RIOX2: variants seen among roughly 807,000 people sequenced by gnomAD.
RIOX2 encodes ribosomal oxygenase 2.
In RIOX2, 43 loss-of-function variants were observed where a neutral mutation model predicts 51.2. The ratio of observed to expected loss-of-function variants is 0.84; its 90% CI spans 0.66 to 1.08. RIOX2 has a LOEUF of 1.08. Ranked by LOEUF, RIOX2 falls within the 50% of genes least tolerant of loss-of-function variation. The pLI is 0.00. For synonymous variants in RIOX2, 226 were observed against 218.5 expected (o/e 1.03, Z -0.30); for missense variants, 566 against 561.7 (o/e 1.01, Z -0.08).
rs773008777 is a variant in RIOX2, at chr3:97,967,181, T to C, written c.413A>G (p.His138Arg). The C allele has an allele frequency of 6.2e-7, 1 of 1,613,876 alleles. No individual in the cohort carries two copies. The highest frequency in any genetic ancestry group is 8.5e-7 in the Non-Finnish European group (1 of 1,179,848). Residue 138 changes from histidine (H) to arginine (R), a missense_variant, in exon 2 of 10, where the codon CAC becomes CGC. His to Arg is a conservative substitution (Grantham distance 29). Transcript: ENST00000394198. ...GGTTACCTTAAATCTCTGAGGTTGG[T>C]GAAACTGAATCGTTGCCCTTTTCTG... ...FDQKRATIQF[H>R]QPQRFKDELW...
intron 3 of RIOX2, 45 bp from the exon 4 acceptor site, chr3:97,959,224 A>G: frequency 6.3e-7 from 1 of 1,588,530 alleles, no homozygotes; most frequent in Non-Finnish European, 8.6e-7. Flanking sequence ...CTTCCTGACA[A>G]CTCACACACA....
At chr3:97,957,674 C>CCACT (rs1399916642) in intron 4 of RIOX2, among the ~76,000 whole-genome samples, 3 of 152,134 alleles carry the variant, frequency 2.0e-5, no homozygotes, top group African/African-American at 7.2e-5. Flanking sequence ...CACTTAAAGG[C>CCACT]CACTATGAAG....
chr3:97,947,296 A>C (rs1221430633), intron 8 of RIOX2, 65 bp downstream of exon 8: 2 of 1,252,712 alleles, frequency 1.6e-6, no homozygotes, highest in Middle Eastern at 1.9e-4. Flanking sequence ...TTAATCTAAT[A>C]ACCTGAGGCC....
At position 97,945,876 on chromosome 3, in the gene RIOX2, T is replaced by C. The variant is rs770254052; in HGVS notation, c.1161A>G (p.Gln387=). Residue 387 remains glutamine, a synonymous_variant, in exon 9 of 10, where the codon CAA becomes CAG. Transcript: ENST00000394198. ...AATGATAGATGTACACCATCTTTTC[T>C]TGAGCTTCATCCTTTGGGGAAAAAA... ...LPDQDQSDEA[Q]EKMVYIYHSL... is the part of the protein sequence containing the mutation. 1.1e-5 allele frequency: 18 copies of C among 1,607,108 alleles called. No individual in the cohort carries two copies. Among genetic ancestry groups the C allele is most frequent in the Non-Finnish European group, 1.4e-5 (17 of 1,174,460 alleles).
In RIOX2 at chr3:97,945,354, AATTT is replaced by A. The variant is rs750646918; in HGVS notation, c.1240-16_1240-13del. 8.1e-6 allele frequency: 13 copies of A among 1,605,164 alleles called. No individual in the cohort carries two copies. The highest frequency in any genetic ancestry group is 4.0e-5 in the African/African-American group (3 of 74,336). ...CGAAGTCCATGAAACTGAAAGGATAAATTTATTTGTCAAAATATATGTATACTAC... is the reference window on the plus strand; with the variant it reads ...CGAAGTCCATGAAACTGAAAGGATAAATTTGTCAAAATATATGTATACTAC... On this transcript the variant is annotated splice_polypyrimidine_tract_variant and intron_variant, in intron 9 of 9. Coordinates refer to ENST00000394198, the MANE Select transcript of RIOX2 (RefSeq NM_153182.4).
chr3:97,947,007 C>A (rs1441697509), intron 8 of RIOX2, among the ~76,000 whole-genome samples: 2 of 152,020 alleles, frequency 1.3e-5, no homozygotes, highest in African/African-American at 4.8e-5. Context: ...ATCCACAAAA[C>A]CACATAGAAA....
chr3:97,963,644 T>G (rs1028807667), intron 2 of RIOX2, among the ~76,000 whole-genome samples: 9 of 152,230 alleles, frequency 5.9e-5, no homozygotes, highest in African/African-American at 9.6e-5. Context: ...TCTCTCTCTC[T>G]CTTTCTCTCT....
intron 9 of RIOX2, 101 bp downstream of exon 9, chr3:97,945,697 G>T: frequency 1.1e-6 from 1 of 889,806 alleles, no homozygotes; most frequent in Non-Finnish European, 1.8e-6. Flanking sequence ...AGTCCACAGT[G>T]CAGCCATAAA....
intron 3 of RIOX2, among the ~76,000 whole-genome samples, chr3:97,960,902 A>T (rs1705650517): frequency 6.6e-6 from 1 of 152,196 alleles, no homozygotes; most frequent in Admixed American, 6.5e-5. Flanking sequence ...TTCTTTATTC[A>T]GTCAAAGATA....
chr3:97,945,791 A>T lies in RIOX2; in HGVS notation c.1239+7T>A. On this transcript the variant is annotated splice_region_variant and intron_variant, in intron 9 of 9. Coordinates refer to ENST00000394198, the MANE Select transcript of RIOX2 (RefSeq NM_153182.4). ...AGGATAGGCATTTGTTTTCAGTTGA[A>T]ACAAACCTCTGTTTCCTCCTCATTT... The T allele has an allele frequency of 3.1e-6, 5 of 1,603,704 alleles. No individual in the cohort carries two copies. Among genetic ancestry groups the T allele is most frequent in the Non-Finnish European group, 4.3e-6 (5 of 1,172,070 alleles).
In RIOX2 at chr3:97,943,269, C is replaced by A. The variant is rs201778793; in HGVS notation, c.*1915G>T. Reference sequence around the variant, plus strand: ...AGACTCATGTAATTGTAAATCAGCCCCTGGAGGGAGAAGAAACACAGAAAT... The same window carrying A: ...AGACTCATGTAATTGTAAATCAGCCACTGGAGGGAGAAGAAACACAGAAAT... On this transcript the variant is annotated 3_prime_UTR_variant, in exon 10 of 10. Coordinates refer to ENST00000394198, the MANE Select transcript of RIOX2 (RefSeq NM_153182.4). The A allele has an allele frequency of 1.3e-6, 2 of 1,593,416 alleles. No individual in the cohort carries two copies. Among genetic ancestry groups the A allele is most frequent in the Non-Finnish European group, 1.7e-6 (2 of 1,163,716 alleles).
chr3:97,945,428 C>T (rs2107125610), intron 9 of RIOX2, 86 bp from the exon 10 acceptor site: 2 of 1,239,208 alleles, frequency 1.6e-6, no homozygotes, highest in East Asian at 5.1e-5. Flanking sequence ...ATTCTCCATA[C>T]ATCATTATTT....
intron 4 of RIOX2, among the ~76,000 whole-genome samples, chr3:97,958,272 T>C (rs1705530639): frequency 1.3e-5 from 2 of 152,222 alleles, no homozygotes; most frequent in South Asian, 4.1e-4. Context: ...ATCTTTGGAA[T>C]GGTTTAAAAT....
intron 3 of RIOX2, among the ~76,000 whole-genome samples, chr3:97,959,415 G>A (rs939613569): frequency 5.2e-4 from 78 of 151,022 alleles, no homozygotes; most frequent in Non-Finnish European, 6.6e-4. Flanking sequence ...CAAACTCCTG[G>A]GCTCCAATGA....
chr3:97,961,199 C>T (rs1231738632), intron 3 of RIOX2, among the ~76,000 whole-genome samples: 1 of 152,108 alleles, frequency 6.6e-6, no homozygotes, highest in Non-Finnish European at 1.5e-5. Context: ...TTTTTGGCAG[C>T]TACTGAAAAA....
rs890802054 is a variant in RIOX2, at chr3:97,944,553, C to T, written c.*631G>A. The T allele has an allele frequency of 3.3e-5, 5 of 152,238 alleles. No individual in the cohort carries two copies. Among genetic ancestry groups the T allele is most frequent in the African/African-American group, 1.2e-4 (5 of 41,378 alleles). The allele number at this position is 152,238 out of a possible 1,614,324, so 9.4% of individuals were successfully genotyped here. The stretch of plus-strand genomic sequence containing the variant: ...AATGACTATTTTAAACTCGAAGACC[C>T]ACTATTTTGAGTATTTTTTATAGAC... On this transcript the variant is annotated 3_prime_UTR_variant, in exon 10 of 10. Coordinates refer to ENST00000394198, the MANE Select transcript of RIOX2 (RefSeq NM_153182.4).
chr3:97,955,399 T>C (rs528664003), intron 4 of RIOX2, among the ~76,000 whole-genome samples: 5 of 152,102 alleles, frequency 3.3e-5, no homozygotes, highest in African/African-American at 1.2e-4. Context: ...AGCAGCTACC[T>C]ATGGAGAAAA....
intron 1 of RIOX2, among the ~76,000 whole-genome samples, chr3:97,971,028 G>A (rs1706109514): frequency 6.6e-6 from 1 of 152,130 alleles, no homozygotes; most frequent in Non-Finnish European, 1.5e-5. Flanking sequence ...ATACAATTTT[G>A]GAGACAAACC....
intron 1 of RIOX2, among the ~76,000 whole-genome samples, chr3:97,970,894 T>C (rs1381649204): frequency 6.6e-6 from 1 of 152,204 alleles, no homozygotes; most frequent in Non-Finnish European, 1.5e-5. Context: ...TTTGAGGACA[T>C]GAAGACGTGA....
Sources: gnomAD v4.1 joint callset for allele counts (sites outside exome capture counted in the v4.1 genomes callset) on GRCh38, gnomAD v4.1.1 for gene constraint, MANE v1.5 for transcripts, NCBI Gene and HGNC (gene_info 2026-07-23, HGNC 2026-07-21) for gene names.